GPR137B: variants seen among roughly 807,000 people sequenced by gnomAD.
GPR137B encodes integral membrane protein GPR137B.
In GPR137B, 42 loss-of-function variants were observed where a neutral mutation model predicts 42.5. That is an observed-to-expected ratio of 0.99 (90% CI 0.77 to 1.28). The LOEUF (loss-of-function observed/expected upper bound fraction) is 1.28. Among genes scored for constraint, GPR137B ranks in the 50% most tolerant of loss-of-function variants. GPR137B has a pLI of 0.00. For synonymous variants in GPR137B, 218 were observed against 209.7 expected, an observed-to-expected ratio of 1.04 and a Z score of -0.34; for missense variants, 487 against 493.9, an observed-to-expected ratio of 0.99 and a Z score of 0.13.
chr1:236,176,958 A>C (rs1345213255), intron 2 of GPR137B, among the ~76,000 whole-genome samples: 1 of 152,154 alleles, frequency 6.6e-6, no homozygotes, highest in Non-Finnish European at 1.5e-5. Context: ...CAGATGTCAG[A>C]GAAACCTGAC....
intron 5 of GPR137B, among the ~76,000 whole-genome samples, chr1:236,186,583 C>T (rs1025048727): frequency 6.7e-5 from 10 of 148,674 alleles, no homozygotes; most frequent in Admixed American, 4.1e-4. Context: ...TGAGAACATG[C>T]GGTGTTTGGT....
intron 1 of GPR137B, among the ~76,000 whole-genome samples, chr1:236,144,679 C>T (rs2102886714): frequency 6.6e-6 from 1 of 152,308 alleles, no homozygotes; most frequent in Admixed American, 6.5e-5. Flanking sequence ...TTCAGGCAGT[C>T]GGCTGCATTG....
In GPR137B at chr1:236,144,335, G is replaced by A. The variant is rs539536626; in HGVS notation, c.414+1299G>A. Among the ~76,000 whole-genome samples, 12 of 152,198 alleles carry A rather than the reference G, an allele frequency of 7.9e-5. No individual in the cohort carries two copies. The South Asian group carries it at 1.9e-3, about 24-fold the overall frequency. On this transcript the variant is annotated intron_variant, in intron 1 of 6. Coordinates refer to ENST00000366592, the MANE Select transcript of GPR137B (RefSeq NM_003272.4). ...GAGGCTGAGGTGGGAGGCGGAGCCC[G>A]GGAGGCGGAGGTTGCAGTGAGCAGA...
At chr1:236,198,439 G>A (rs1260994801) in intron 5 of GPR137B, among the ~76,000 whole-genome samples, 1 of 151,808 alleles carries the variant, frequency 6.6e-6, no homozygotes, top group Admixed American at 6.6e-5. Flanking sequence ...CTACTGACCT[G>A]AAGTGATCTA....
chr1:236,184,186 C>T (rs1662958277), intron 5 of GPR137B, among the ~76,000 whole-genome samples: 1 of 152,142 alleles, frequency 6.6e-6, no homozygotes. Context: ...GCACCATTGC[C>T]TCATTAGTAT....
intron 5 of GPR137B, among the ~76,000 whole-genome samples, chr1:236,188,362 A>G (rs982421679): frequency 5.3e-5 from 8 of 152,108 alleles, no homozygotes; most frequent in African/African-American, 1.9e-4. Flanking sequence ...TACTATGTTG[A>G]ATAGGAGTGG....
intron 6 of GPR137B, chr1:236,207,368 T>C (rs986090867): frequency 1.3e-4 from 84 of 642,582 alleles, no homozygotes; most frequent in Non-Finnish European, 1.6e-4. Context: ...GCTCCACCTC[T>C]TCCTTAAAAC....
At chr1:236,207,288 G>A in intron 6 of GPR137B, 3 of 985,226 alleles carry the variant, frequency 3.0e-6, no homozygotes. Flanking sequence ...AACGTAAGCT[G>A]GAAGCAAGCC....
intron 3 of GPR137B, among the ~76,000 whole-genome samples, chr1:236,179,355 G>A (rs537697405): frequency 9.9e-5 from 15 of 152,226 alleles, no homozygotes; most frequent in South Asian, 2.1e-4. Context: ...GCTTCATAAC[G>A]TGGGGCACAA....
At chr1:236,198,333 T>C (rs1305264630) in intron 5 of GPR137B, among the ~76,000 whole-genome samples, 1 of 152,256 alleles carries the variant, frequency 6.6e-6, no homozygotes, top group East Asian at 1.9e-4. Flanking sequence ...GCCTCCAAAG[T>C]AGCTGTGATT....
chr1:236,203,212 G>C (rs1230016110), intron 5 of GPR137B, among the ~76,000 whole-genome samples: 2 of 152,094 alleles, frequency 1.3e-5, no homozygotes, highest in Non-Finnish European at 2.9e-5. Flanking sequence ...CGAGTAGCTG[G>C]GACTATGGGC....
chr1:236,161,313 C>T (rs956705865), intron 1 of GPR137B, among the ~76,000 whole-genome samples: 5 of 152,120 alleles, frequency 3.3e-5, no homozygotes, highest in Non-Finnish European at 5.9e-5. Context: ...CACCCCAGCC[C>T]GACCTTCTGC....
At chr1:236,190,198 G>A (rs1035696551) in intron 5 of GPR137B, among the ~76,000 whole-genome samples, 20 of 122,838 alleles carry the variant, frequency 1.6e-4, no homozygotes, top group South Asian at 7.8e-4. Flanking sequence ...ATATTCCTCC[G>A]TCCCTTTATT....
chr1:236,163,893 A>ACGCTTCC, intron 1 of GPR137B, among the ~76,000 whole-genome samples: 1 of 149,574 alleles, frequency 6.7e-6, no homozygotes, highest in African/African-American at 2.5e-5. Flanking sequence ...ATACTGCCTC[A>ACGCTTCC]CACTTCCCAC....
chr1:236,203,774 G>T (rs1489714676), intron 5 of GPR137B, among the ~76,000 whole-genome samples: 1 of 152,068 alleles, frequency 6.6e-6, no homozygotes, highest in Non-Finnish European at 1.5e-5. Flanking sequence ...TTATAAGTGG[G>T]ATTACTTTTT....
intron 5 of GPR137B, among the ~76,000 whole-genome samples, chr1:236,196,818 T>C (rs1663351174): frequency 6.6e-6 from 1 of 152,244 alleles, no homozygotes; most frequent in Admixed American, 6.5e-5. Context: ...TAGTAGTCCA[T>C]GGTATATATA....
intron 1 of GPR137B, among the ~76,000 whole-genome samples, chr1:236,145,128 T>C (rs1179105006): frequency 1.3e-5 from 2 of 152,242 alleles, no homozygotes; most frequent in Non-Finnish European, 2.9e-5. Flanking sequence ...TCTCCATCTC[T>C]GAGTGCTGGC....
At chr1:236,160,980 G>A (rs1265373315) in intron 1 of GPR137B, among the ~76,000 whole-genome samples, 5 of 151,198 alleles carry the variant, frequency 3.3e-5, no homozygotes, top group African/African-American at 4.9e-5. Context: ...TCCCCATCTC[G>A]AAGTGTACCA....
intron 1 of GPR137B, among the ~76,000 whole-genome samples, chr1:236,143,781 G>T (rs576451058): frequency 6.6e-6 from 1 of 152,332 alleles, no homozygotes; most frequent in Admixed American, 6.5e-5. Context: ...TAATGGGAGA[G>T]TATGTGAATT....
Sources: gnomAD v4.1 joint callset for allele counts (sites outside exome capture counted in the v4.1 genomes callset) on GRCh38, gnomAD v4.1.1 for gene constraint, MANE v1.5 for transcripts, NCBI Gene and HGNC (gene_info 2026-07-23, HGNC 2026-07-21) for gene names.